Variants in ATAD2B observed in about 807,000 individuals in gnomAD.
ATAD2B encodes ATPase family AAA domain-containing protein 2B.
In ATAD2B, 40 loss-of-function variants were observed where a neutral mutation model predicts 167.6. The observed-to-expected ratio is 0.24, with a 90% CI of 0.19 to 0.31. The LOEUF (loss-of-function observed/expected upper bound fraction) is 0.31, where lower values mean the gene tolerates loss of function less well. Ranked by LOEUF, ATAD2B falls within the 10% of genes least tolerant of loss-of-function variation. ATAD2B has a pLI of 1.00. For synonymous variants in ATAD2B, 579 were observed against 596.5 expected, an observed-to-expected ratio of 0.97 and a Z score of 0.43; for missense variants, 1,242 against 1,757.2, an observed-to-expected ratio of 0.71 and a Z score of 5.24.
chr2:23,902,661 T>C (rs1441916890), intron 1 of ATAD2B, among the ~76,000 whole-genome samples: 2 of 152,222 alleles, frequency 1.3e-5, no homozygotes, highest in Non-Finnish European at 2.9e-5. Flanking sequence ...TTATAATCCA[T>C]GAGTAGGAAA....
intron 15 of ATAD2B, among the ~76,000 whole-genome samples, chr2:23,826,774 A>C (rs372305467): frequency 6.6e-6 from 1 of 152,200 alleles, no homozygotes; most frequent in African/African-American, 2.4e-5. Flanking sequence ...TTCATTAATC[A>C]TAAGTTTCCT....
chr2:23,900,044 A>G (rs1013354661), intron 1 of ATAD2B, among the ~76,000 whole-genome samples: 4 of 147,748 alleles, frequency 2.7e-5, no homozygotes, highest in South Asian at 2.1e-4. Flanking sequence ...CAGCCTCCCA[A>G]GTAGCTGGGA....
chr2:23,780,676 G>C (rs1255040715), intron 22 of ATAD2B, among the ~76,000 whole-genome samples: 2 of 152,274 alleles, frequency 1.3e-5, no homozygotes, highest in African/African-American at 4.8e-5. Flanking sequence ...GAGAGGGGCA[G>C]ATCACCTGGG....
At chr2:23,906,480 G>A (rs534727031) in intron 1 of ATAD2B, among the ~76,000 whole-genome samples, 2 of 152,276 alleles carry the variant, frequency 1.3e-5, no homozygotes, top group African/African-American at 4.8e-5. Context: ...GCTCCTGGTC[G>A]ATTTGGGGTG....
the ATAD2B span, among the ~76,000 whole-genome samples, chr2:23,743,424 A>G: frequency 1.3e-5 from 2 of 151,782 alleles, no homozygotes; most frequent in Non-Finnish European, 2.9e-5. Flanking sequence ...TAAATAATGC[A>G]TGGTGGCGCA....
intron 12 of ATAD2B, among the ~76,000 whole-genome samples, chr2:23,860,233 T>C (rs13402499): frequency 0.012 from 1,869 of 152,318 alleles, 36 homozygotes; most frequent in African/African-American, 0.043. Context: ...TCCAGAACTA[T>C]GAGTCAGTAA....
chr2:23,884,942 T>C (rs781769890), intron 5 of ATAD2B, 69 bp from the exon 6 acceptor site: 116 of 958,520 alleles, frequency 1.2e-4, no homozygotes, highest in Non-Finnish European at 1.6e-4. Flanking sequence ...AACAACCCAA[T>C]GGGACATACC....
downstream of ATAD2B, among the ~76,000 whole-genome samples, chr2:23,746,437 C>G (rs921528376): frequency 2.7e-4 from 41 of 152,126 alleles, no homozygotes; most frequent in Admixed American, 2.7e-3. Context: ...ACCTAGTAAA[C>G]GTGATATAAG....
intron 17 of ATAD2B, among the ~76,000 whole-genome samples, chr2:23,816,432 A>C (rs998059700): frequency 1.1e-4 from 16 of 152,338 alleles, no homozygotes; most frequent in African/African-American, 3.1e-4. Context: ...GAATATCCAA[A>C]GTGTAAGATA....
intron 1 of ATAD2B, 41 bp downstream of exon 1, chr2:23,926,514 G>A (rs1314515731): frequency 3.3e-6 from 5 of 1,528,482 alleles, no homozygotes; most frequent in Middle Eastern, 2.1e-4. Flanking sequence ...CAGCAGGGCC[G>A]GCACTTCCGA....
chr2:23,856,523 T>C (rs964379332), intron 13 of ATAD2B: 16 of 303,730 alleles, frequency 5.3e-5, no homozygotes, highest in African/African-American at 3.2e-4. Context: ...ACATATACAT[T>C]AAGGAATACT....
intron 6 of ATAD2B, among the ~76,000 whole-genome samples, chr2:23,881,780 A>G (rs1173318180): frequency 2.0e-5 from 3 of 151,230 alleles, no homozygotes; most frequent in African/African-American, 7.3e-5. Context: ...CTGGAGTGCA[A>G]TGGCGCGATC....
At chr2:23,763,632 C>A (rs540193948) in intron 23 of ATAD2B, among the ~76,000 whole-genome samples, 1 of 152,274 alleles carries the variant, frequency 6.6e-6, no homozygotes, top group Admixed American at 6.5e-5. Flanking sequence ...CTCTGTCACC[C>A]AGGGTGGACT....
chr2:23,834,319 G>A lies in ATAD2B; in HGVS notation c.1569-241C>T, dbSNP rs367550409. Among the ~76,000 whole-genome samples, 63 of 151,730 alleles carry A rather than the reference G, an allele frequency of 4.2e-4. 1 individual carries two copies. The highest frequency in any genetic ancestry group is 1.5e-3 in the African/African-American group (61 of 41,396). On this transcript the variant is annotated intron_variant, in intron 13 of 27. Transcript: ENST00000238789. ...TGGGACTACAGGCGCACGCCACCAC[G>A]CCCAGCTAATTTTTGTATTTTTAGT... is the stretch of plus-strand genomic sequence containing the variant.
At chr2:23,799,123 A>C (rs1683056581) in intron 18 of ATAD2B, among the ~76,000 whole-genome samples, 1 of 152,140 alleles carries the variant, frequency 6.6e-6, no homozygotes, top group Non-Finnish European at 1.5e-5. Context: ...CCACCAACAA[A>C]TTCTGACATG....
intron 20 of ATAD2B, among the ~76,000 whole-genome samples, chr2:23,786,479 A>C (rs149688827): frequency 7.8e-4 from 118 of 152,208 alleles, no homozygotes; most frequent in African/African-American, 2.7e-3. Context: ...TATTGCTCCT[A>C]GGCTACAAAC....
At chr2:23,714,787 G>A in the ATAD2B span, among the ~76,000 whole-genome samples, 7 of 151,584 alleles carry the variant, frequency 4.6e-5, no homozygotes, top group East Asian at 2.0e-4. Flanking sequence ...CCCAGGAGGC[G>A]GAGGCTGCAG....
intron 24 of ATAD2B, among the ~76,000 whole-genome samples, chr2:23,761,370 C>T (rs962806934): frequency 2.6e-5 from 4 of 152,350 alleles, no homozygotes; most frequent in Middle Eastern, 6.8e-3. Flanking sequence ...AAATCCAACA[C>T]TTTTTGAGCA....
rs929774413 is a variant in ATAD2B, at chr2:23,750,314, A to AT, written c.*1731dup. Reference sequence around the variant, plus strand: ...ACTAGGTACAAAGAAAACACGTGGCATTTAAAAAAAAATTAAGCTAGAATT... The same window carrying AT: ...ACTAGGTACAAAGAAAACACGTGGCATTTTAAAAAAAAATTAAGCTAGAATT... On this transcript the variant is annotated 3_prime_UTR_variant, in exon 28 of 28. Coordinates refer to ENST00000238789, the MANE Select transcript of ATAD2B (RefSeq NM_017552.4). The AT allele has an allele frequency of 6.6e-6, 1 of 152,120 alleles. No homozygotes were observed. The allele number at this position is 152,120 out of a possible 1,614,324, so 9.4% of individuals were successfully genotyped here.
Sources: gnomAD v4.1 joint callset for allele counts (sites outside exome capture counted in the v4.1 genomes callset) on GRCh38, gnomAD v4.1.1 for gene constraint, MANE v1.5 for transcripts, NCBI Gene and HGNC (gene_info 2026-07-23, HGNC 2026-07-21) for gene names.